ITGA6: variants seen among roughly 807,000 people sequenced by gnomAD.
The protein encoded by ITGA6 is integrin subunit alpha 6, also known as integrin alpha-6.
Under a neutral mutation model 133.6 loss-of-function variants are expected in ITGA6, and 63 were observed. The observed-to-expected ratio is 0.47, with a 90% confidence interval of 0.38 to 0.58. The LOEUF (loss-of-function observed/expected upper bound fraction) is 0.58, where lower values mean the gene tolerates loss of function less well. Among genes scored for constraint, ITGA6 ranks in the 20% least tolerant of loss-of-function variants. The pLI is 0.00. For synonymous variants in ITGA6, 434 were observed against 482.0 expected (o/e 0.90, Z 1.30); for missense variants, 1,068 against 1,309.4 (o/e 0.82, Z 2.85).
At chr2:172,501,737 CTG>C (rs777847464) in intron 24 of ITGA6, 33 bp from the exon 25 acceptor site, 314 of 1,606,382 alleles carry the variant, frequency 2.0e-4, no homozygotes, top group Non-Finnish European at 2.6e-4. Flanking sequence ...ATACACAAAA[CTG>C]TAAAATTGAC....
intron 25 of ITGA6, chr2:172,503,494 A>G (rs1411640294): frequency 6.6e-6 from 1 of 152,224 alleles, no homozygotes; most frequent in Non-Finnish European, 1.5e-5. Context: ...GATTAATGAA[A>G]TAGCTTAATT....
At chr2:172,428,870 G>C (rs1319805220) in intron 1 of ITGA6, among the ~76,000 whole-genome samples, 1 of 152,180 alleles carries the variant, frequency 6.6e-6, no homozygotes, top group Non-Finnish European at 1.5e-5. Flanking sequence ...CCACATGATC[G>C]GCTATTTAAG....
chr2:172,430,859 G>C (rs1189111217), intron 1 of ITGA6, among the ~76,000 whole-genome samples: 1 of 152,170 alleles, frequency 6.6e-6, no homozygotes, highest in Non-Finnish European at 1.5e-5. Flanking sequence ...ATTTCTCTTA[G>C]GTAGTTAAGA....
At chr2:172,463,919 G>A (rs573423093) in intron 1 of ITGA6, among the ~76,000 whole-genome samples, 1 of 152,256 alleles carries the variant, frequency 6.6e-6, no homozygotes, top group Non-Finnish European at 1.5e-5. Flanking sequence ...GAGCAGACCT[G>A]TGGGGACCCT....
chr2:172,473,540 G>T (rs1686035386), intron 5 of ITGA6, among the ~76,000 whole-genome samples: 1 of 152,240 alleles, frequency 6.6e-6, no homozygotes, highest in African/African-American at 2.4e-5. Context: ...CCAAAGAGTT[G>T]ATGCCTCTTA....
At chr2:172,459,552 C>T (rs2149028681) in intron 1 of ITGA6, among the ~76,000 whole-genome samples, 1 of 152,292 alleles carries the variant, frequency 6.6e-6, no homozygotes, top group South Asian at 2.1e-4. Context: ...AGAATTTCCA[C>T]TGGCAACACT....
intron 1 of ITGA6, among the ~76,000 whole-genome samples, chr2:172,436,595 C>G (rs1196247732): frequency 1.3e-5 from 2 of 152,114 alleles, no homozygotes; most frequent in Admixed American, 6.5e-5. Flanking sequence ...TCATTTATTT[C>G]TCTCTGTGTG....
At chr2:172,472,650 T>C in intron 5 of ITGA6, 1 of 648,266 alleles carries the variant, frequency 1.5e-6, no homozygotes, top group Non-Finnish European at 2.8e-6. Flanking sequence ...AAGCTGGCAA[T>C]GAGAGCAGCT....
At chr2:172,444,052 G>C (rs993198325) in intron 1 of ITGA6, among the ~76,000 whole-genome samples, 1 of 152,222 alleles carries the variant, frequency 6.6e-6, no homozygotes, top group Non-Finnish European at 1.5e-5. Context: ...GGGATTACAG[G>C]AGTGAGCCAC....
At chr2:172,468,932 T>C in intron 3 of ITGA6, 193 bp from the exon 4 acceptor site, 1 of 602,676 alleles carries the variant, frequency 1.7e-6, no homozygotes, top group Non-Finnish European at 2.9e-6. Context: ...CTAGTTTCTA[T>C]ATGTCTTCAT....
At chr2:172,436,958 A>C (rs1216421458) in intron 1 of ITGA6, among the ~76,000 whole-genome samples, 3 of 152,114 alleles carry the variant, frequency 2.0e-5, no homozygotes, top group Non-Finnish European at 2.9e-5. Context: ...TAGAGAGGGA[A>C]CAGGGAGTGC....
chr2:172,474,783 G>C (rs1044908748), intron 6 of ITGA6, 146 bp from the exon 7 acceptor site: 99 of 690,136 alleles, frequency 1.4e-4, no homozygotes, highest in Non-Finnish European at 2.3e-4. Flanking sequence ...AGGCTACCTT[G>C]GTTTTTAAAA....
intron 13 of ITGA6, among the ~76,000 whole-genome samples, chr2:172,486,391 TTAA>T (rs948192918): frequency 3.3e-5 from 5 of 152,118 alleles, no homozygotes; most frequent in African/African-American, 1.2e-4. Flanking sequence ...TATTATCATG[TTAA>T]TATTACTTGT....
At chr2:172,450,873 ATATT>A (rs958154396) in intron 1 of ITGA6, among the ~76,000 whole-genome samples, 2 of 147,034 alleles carry the variant, frequency 1.4e-5, no homozygotes, top group Non-Finnish European at 3.0e-5. Context: ...ATATACAAAT[ATATT>A]TATATATTTA....
intron 20 of ITGA6, 132 bp from the exon 21 acceptor site, chr2:172,490,892 T>G: frequency 1.4e-6 from 1 of 695,544 alleles, no homozygotes; most frequent in Non-Finnish European, 2.6e-6. Flanking sequence ...TTCTGTGCCT[T>G]TGGCAGGAGA....
intron 23 of ITGA6, among the ~76,000 whole-genome samples, chr2:172,492,146 C>T (rs1473513202): frequency 2.0e-5 from 3 of 152,204 alleles, no homozygotes; most frequent in Non-Finnish European, 4.4e-5. Flanking sequence ...CCCACGTGGA[C>T]AGAGCAGCTG....
rs778456920 is a variant in ITGA6 at position 172,491,234 on chromosome 2, A to G, written c.2792A>G (p.Asn931Ser). 3.7e-5 allele frequency: 59 copies of G among 1,608,288 alleles called. No individual in the cohort carries two copies. The highest frequency in any genetic ancestry group is 4.9e-5 in the Non-Finnish European group (57 of 1,174,844). The stretch of plus-strand genomic sequence containing the variant: ...TTTTCTCTCTAGAACTGTAGCGTGA[A>G]CGTGAACTGTGTGAACATCAGATGC... The part of the protein sequence containing the change: ...RKYQTLNCSV[N>S]VNCVNIRCPL... Residue 931 changes from asparagine to serine, a missense_variant, in exon 22 of 26, where the codon AAC (asparagine) becomes AGC (serine). By Grantham distance (46) the Asn-to-Ser change is conservative (BLOSUM62 1). Coordinates refer to ENST00000684293, the MANE Select transcript of ITGA6 (RefSeq NM_000210.4). The surrounding 1 kb of genome is among the most constrained non-coding windows in gnomAD (Gnocchi z 4.4).
Position 172,489,570 on chromosome 2 carries a change from G to T in ITGA6, c.2591G>T (p.Trp864Leu). ...CCAAAAGAAATTAGCAATGGGAAATGGTTGCTTTATTTGGTGAAAGTAGAA... is the reference window on the plus strand; with the variant it reads ...CCAAAAGAAATTAGCAATGGGAAATTGTTGCTTTATTTGGTGAAAGTAGAA... Reference protein sequence around the residue: ...QWPKEISNGKWLLYLVKVESK... With the variant: ...QWPKEISNGKLLLYLVKVESK... Residue 864 changes from tryptophan to leucine, a missense_variant, in exon 20 of 26, where the codon TGG becomes TTG. Physicochemically the swap from Trp to Leu is moderately conservative, Grantham distance 61. Coordinates refer to ENST00000684293, the MANE Select transcript of ITGA6 (RefSeq NM_000210.4). 16 of 1,614,002 alleles carry T rather than the reference G, an allele frequency of 9.9e-6. No homozygotes were observed. The highest frequency in any genetic ancestry group is 2.2e-5 in the South Asian group (2 of 91,080).
chr2:172,440,734 C>T (rs1470305247), intron 1 of ITGA6, among the ~76,000 whole-genome samples: 1 of 152,182 alleles, frequency 6.6e-6, no homozygotes, highest in Non-Finnish European at 1.5e-5. Flanking sequence ...GCACCAACAG[C>T]CTTTGAGAAA....
Sources: gnomAD v4.1 joint callset for allele counts (sites outside exome capture counted in the v4.1 genomes callset) on GRCh38, gnomAD v4.1.1 for gene constraint, Gnocchi (gnomAD v3.1) non-coding constraint, MANE v1.5 for transcripts, NCBI Gene and HGNC (gene_info 2026-07-23, HGNC 2026-07-21) for gene names.